The following SGCZ variants were observed in gnomAD, a reference collection of about 807,000 sequenced individuals.
The protein encoded by SGCZ is zeta-sarcoglycan.
Under a neutral mutation model 41.3 loss-of-function variants are expected in SGCZ, and 40 were observed. The ratio of observed to expected loss-of-function variants is 0.97; its 90% CI spans 0.75 to 1.26. The LOEUF is 1.26. Among genes scored for constraint, SGCZ ranks in the 50% most tolerant of loss-of-function variants. The pLI is 0.00. For synonymous variants in SGCZ, 206 were observed against 137.5 expected (o/e 1.50, Z -3.49); for missense variants, 552 against 369.8 (o/e 1.49, Z -4.04).
intron 2 of SGCZ, among the ~76,000 whole-genome samples, chr8:14,499,370 A>C (rs1368657610): frequency 6.6e-6 from 1 of 151,944 alleles, no homozygotes; most frequent in Non-Finnish European, 1.5e-5. Context: ...ACACAACATA[A>C]ATTTTCTTTT....
chr8:15,206,183 A>G (rs1050031071), intron 1 of SGCZ, among the ~76,000 whole-genome samples: 2 of 152,190 alleles, frequency 1.3e-5, no homozygotes, highest in African/African-American at 4.8e-5. Context: ...ACCTAAAATA[A>G]AAGTTTAAAA....
chr8:15,221,333 G>A (rs765536893), intron 1 of SGCZ, among the ~76,000 whole-genome samples: 4 of 152,112 alleles, frequency 2.6e-5, no homozygotes, highest in African/African-American at 9.7e-5. Flanking sequence ...AGGTTGAAGA[G>A]GGCTAATGAG....
intron 3 of SGCZ, among the ~76,000 whole-genome samples, chr8:14,259,407 A>T (rs200085799): frequency 4.6e-5 from 7 of 151,194 alleles, no homozygotes; most frequent in Non-Finnish European, 3.0e-5. Context: ...CTGAATGGTA[A>T]TGCCTAGGTT....
chr8:14,762,756 A>G (rs1799929913), intron 1 of SGCZ, among the ~76,000 whole-genome samples: 2 of 152,200 alleles, frequency 1.3e-5, no homozygotes, highest in South Asian at 4.1e-4. Flanking sequence ...GTTCACGTTG[A>G]TCTTTTTATA....
intron 1 of SGCZ, among the ~76,000 whole-genome samples, chr8:14,695,292 T>A (rs184227745): frequency 2.0e-5 from 3 of 152,048 alleles, no homozygotes; most frequent in African/African-American, 7.2e-5. Context: ...CCTATAACCA[T>A]AAAGAAAAGT....
intron 3 of SGCZ, among the ~76,000 whole-genome samples, chr8:14,257,631 C>A: frequency 7.1e-6 from 1 of 140,956 alleles, no homozygotes; most frequent in East Asian, 2.2e-4. Context: ...ATCCCTCCCT[C>A]CTCCCCCCGC....
Position 14,721,647 on chromosome 8 carries a change from T to G in SGCZ, c.40-166721A>C, listed in dbSNP as rs550718189. 1.3e-4 allele frequency among the ~76,000 whole-genome samples: 20 copies of G among 152,324 alleles called. 1 individual carries two copies. Among genetic ancestry groups the G allele is most frequent in the Non-Finnish European group, 2.5e-4 (17 of 68,030 alleles). ...TCTCACTTGGATTATTATGATGGTT[T>G]TATAATTTGTCACCCTATTTCTGTC... On this transcript the variant is annotated intron_variant, in intron 1 of 7. Coordinates refer to ENST00000382080, the MANE Select transcript of SGCZ (RefSeq NM_139167.4).
intron 1 of SGCZ, among the ~76,000 whole-genome samples, chr8:14,574,637 AAATC>A (rs1804655018): frequency 6.6e-6 from 1 of 152,186 alleles, no homozygotes; most frequent in South Asian, 2.1e-4. Flanking sequence ...CCTAAGAATA[AAATC>A]AGAATACTTA....
chr8:15,102,755 T>G (rs1806664065), intron 1 of SGCZ, among the ~76,000 whole-genome samples: 1 of 152,174 alleles, frequency 6.6e-6, no homozygotes, highest in African/African-American at 2.4e-5. Context: ...TGTATGGAGA[T>G]TATTAAAACT....
intron 1 of SGCZ, among the ~76,000 whole-genome samples, chr8:14,700,773 C>T (rs1809108933): frequency 6.6e-6 from 1 of 151,834 alleles, no homozygotes; most frequent in Admixed American, 6.6e-5. Flanking sequence ...CAAAAATTAG[C>T]TAATACTTAA....
chr8:14,170,720 C>T (rs1804352938), intron 4 of SGCZ, among the ~76,000 whole-genome samples: 13 of 152,048 alleles, frequency 8.5e-5, no homozygotes, highest in Admixed American at 8.5e-4. Context: ...ACAAAGTTGA[C>T]GGGTGAGACG....
intron 1 of SGCZ, among the ~76,000 whole-genome samples, chr8:15,216,226 T>TC (rs1403376797): frequency 3.4e-5 from 5 of 146,896 alleles, no homozygotes; most frequent in African/African-American, 1.3e-4. Flanking sequence ...TTTTTTTCTT[T>TC]TTTTTTTTTT....
At chr8:14,092,082 C>A (rs1801704856) in intron 7 of SGCZ, among the ~76,000 whole-genome samples, 1 of 152,046 alleles carries the variant, frequency 6.6e-6, no homozygotes, top group South Asian at 2.1e-4. Flanking sequence ...GGAATCCTTT[C>A]CCCATTGCTT....
intron 4 of SGCZ, among the ~76,000 whole-genome samples, chr8:14,205,891 G>C (rs1805598634): frequency 6.6e-6 from 1 of 152,002 alleles, no homozygotes; most frequent in Admixed American, 6.6e-5. Flanking sequence ...AATTACCCAA[G>C]TTTTCTCATA....
chr8:14,625,640 A>C (rs1485795404), intron 1 of SGCZ, among the ~76,000 whole-genome samples: 1 of 152,122 alleles, frequency 6.6e-6, no homozygotes, highest in Non-Finnish European at 1.5e-5. Context: ...TAGGTTTCCC[A>C]GGCTGGTCTT....
chr8:14,414,926 T>C (rs149922029), intron 2 of SGCZ, among the ~76,000 whole-genome samples: 3 of 152,090 alleles, frequency 2.0e-5, no homozygotes, highest in African/African-American at 7.2e-5. Context: ...GCTGATTAGA[T>C]ACTTAAAATT....
intron 2 of SGCZ, among the ~76,000 whole-genome samples, chr8:14,332,872 AG>A (rs1334099364): frequency 6.6e-6 from 1 of 150,672 alleles, no homozygotes; most frequent in Admixed American, 6.7e-5. Flanking sequence ...TCTCCTATAT[AG>A]GTTTGTATAT....
chr8:14,988,774 G>A, intron 1 of SGCZ, among the ~76,000 whole-genome samples: 1 of 152,084 alleles, frequency 6.6e-6, no homozygotes, highest in South Asian at 2.1e-4. Flanking sequence ...CTATAACTAT[G>A]CATTTTTTCC....
chr8:14,154,417 T>G (rs4415315), intron 5 of SGCZ, among the ~76,000 whole-genome samples: 31,760 of 152,006 alleles, frequency 0.21, 4,108 homozygotes, highest in East Asian at 0.65. Flanking sequence ...AAAATAAGTT[T>G]CTGTTGTTTA....
Sources: gnomAD v4.1 joint callset for allele counts (sites outside exome capture counted in the v4.1 genomes callset) on GRCh38, gnomAD v4.1.1 for gene constraint, MANE v1.5 for transcripts, NCBI Gene and HGNC (gene_info 2026-07-23, HGNC 2026-07-21) for gene names.